Variants in STK38L observed in about 807,000 individuals in gnomAD.
The protein encoded by STK38L is serine/threonine kinase 38 like.
Under a neutral mutation model 59.7 loss-of-function variants are expected in STK38L, and 28 were observed. That is an observed-to-expected ratio of 0.47 (90% CI 0.35 to 0.64). STK38L has a LOEUF of 0.64. STK38L is among the 30% of genes least tolerant of loss of function. The pLI is 0.01. For synonymous variants in STK38L, 162 were observed against 176.8 expected (o/e 0.92, Z 0.66); for missense variants, 314 against 555.8 (o/e 0.56, Z 4.37).
intron 7 of STK38L, 149 bp from the exon 8 acceptor site, chr12:27,314,866 C>A: frequency 1.2e-6 from 1 of 847,706 alleles, no homozygotes; most frequent in South Asian, 2.1e-5. Flanking sequence ...TTTTAAAAAT[C>A]ATCATCAGAT....
intron 1 of STK38L, among the ~76,000 whole-genome samples, chr12:27,250,996 CAAAAAAAAAA>C (rs34643896): frequency 9.5e-6 from 1 of 105,000 alleles, no homozygotes; most frequent in Non-Finnish European, 2.0e-5. Flanking sequence ...GACTCTGTCT[CAAAAAAAAAA>C]AAAAAAAAAA....
intron 5 of STK38L, among the ~76,000 whole-genome samples, chr12:27,312,174 C>T (rs192546366): frequency 5.9e-4 from 90 of 152,334 alleles, no homozygotes; most frequent in South Asian, 2.9e-3. Context: ...CCACTGTGCC[C>T]GGCCCTGCTT....
chr12:27,245,155 A>G (rs2136595570), intron 1 of STK38L, among the ~76,000 whole-genome samples: 1 of 152,318 alleles, frequency 6.6e-6, no homozygotes, highest in East Asian at 1.9e-4. Context: ...GAGGAATGAT[A>G]TAAAAAGAAG....
rs186345053 is a variant in STK38L, at chr12:27,316,113, A to G, written c.837+763A>G. Among the ~76,000 whole-genome samples the G allele has an allele frequency of 7.9e-3, 1,202 of 152,364 alleles. 4 individuals carry two copies. Among genetic ancestry groups the G allele is most frequent in the Non-Finnish European group, 0.01 (701 of 68,028 alleles). ...AACTAATTCAGCATTCCCTCAGGAA[A>G]GTAAACAGACTGAAAAATAATAGGC... On this transcript the variant is annotated intron_variant, in intron 9 of 13. Coordinates refer to ENST00000389032, the MANE Select transcript of STK38L (RefSeq NM_015000.4).
intron 1 of STK38L, among the ~76,000 whole-genome samples, chr12:27,279,139 GA>G (rs1175981514): frequency 1.3e-5 from 2 of 152,258 alleles, no homozygotes; most frequent in Admixed American, 1.3e-4. Context: ...TCATAAAGTG[GA>G]AAAATTGTAA....
chr12:27,253,716 T>G (rs184005444), intron 1 of STK38L, among the ~76,000 whole-genome samples: 60 of 152,142 alleles, frequency 3.9e-4, no homozygotes, highest in African/African-American at 1.3e-3. Context: ...AGCTTAGACT[T>G]GAAGGGTGAG....
chr12:27,319,249 AAG>A (rs1359469171), intron 11 of STK38L, 77 bp from the exon 12 acceptor site: 5 of 850,000 alleles, frequency 5.9e-6, no homozygotes, highest in East Asian at 5.2e-5. Context: ...TTCTTTAAAA[AAG>A]AAATATTTGA....
At chr12:27,309,646 T>C (rs1391979967) in intron 5 of STK38L, among the ~76,000 whole-genome samples, 2 of 152,222 alleles carry the variant, frequency 1.3e-5, no homozygotes, top group Non-Finnish European at 2.9e-5. Flanking sequence ...TCCACCCTTA[T>C]GACCTCATTA....
chr12:27,273,221 G>A (rs1943461851), intron 1 of STK38L, among the ~76,000 whole-genome samples: 1 of 151,950 alleles, frequency 6.6e-6, no homozygotes, highest in South Asian at 2.1e-4. Context: ...TTATTTTATG[G>A]AGAAGAATGG....
rs1944727351 is a variant in STK38L at position 27,321,530 on chromosome 12, A to C, written c.1176-613A>C. 2.0e-5 allele frequency among the ~76,000 whole-genome samples: 3 copies of C among 152,210 alleles called. No homozygotes were observed. The South Asian group carries it at 6.2e-4, about 31-fold the overall frequency. On this transcript the variant is annotated intron_variant, in intron 12 of 13. Transcript: ENST00000389032. ...ATCAATTAAGAAGGATCCTGTCCTCATAATATCTCAAATACTTTATACAAT... is the reference window on the plus strand; with the variant it reads ...ATCAATTAAGAAGGATCCTGTCCTCCTAATATCTCAAATACTTTATACAAT...
intron 11 of STK38L, among the ~76,000 whole-genome samples, chr12:27,318,884 G>A (rs1298947445): frequency 6.6e-6 from 1 of 152,182 alleles, no homozygotes; most frequent in Non-Finnish European, 1.5e-5. Context: ...CCAGCTACTT[G>A]GGAGGCTGAG....
intron 1 of STK38L, among the ~76,000 whole-genome samples, chr12:27,250,530 T>C (rs1565520420): frequency 6.6e-6 from 1 of 152,208 alleles, no homozygotes; most frequent in Admixed American, 6.5e-5. Flanking sequence ...AGTAACCACT[T>C]ATCCCTTACT....
At position 27,314,644 on chromosome 12, in the gene STK38L, T is replaced by G. The variant is rs765875075; in HGVS notation, c.658T>G (p.Leu220Val). 6.2e-7 allele frequency: 1 copy of G among 1,602,122 alleles called. No homozygotes were observed. Among genetic ancestry groups the G allele is most frequent in the South Asian group, 1.1e-5 (1 of 88,726 alleles). The change falls in exon 7 of 14, where the codon TTA becomes GTA. Residue 220 changes from leucine to valine, a missense_variant. Coordinates refer to ENST00000389032, the MANE Select transcript of STK38L (RefSeq NM_015000.4). ...IHRDIKPDNL[L>V]LDAKGHVKLS... ...TCGGGATATTAAGCCAGACAACCTT[T>G]TATTGGATGCCAAGGCATGTGAATA...
rs377456722 is a variant in STK38L at position 27,308,319 on chromosome 12, A to G, written c.187-20A>G. 7.2e-6 allele frequency: 11 copies of G among 1,521,034 alleles called. No individual in the cohort carries two copies. The highest frequency in any genetic ancestry group is 9.7e-6 in the Non-Finnish European group (11 of 1,134,618). 94.2% of individuals were successfully genotyped at this position (1,521,034 alleles called of 1,614,324 possible). A position where few individuals can be genotyped will look rare whatever the true frequency, so the allele number is the denominator to read the frequency against. ...AACCTAATTATAAAATCATCCGTTTAAATTGTTTTTTTTTAATAGAAAAAG... is the reference window on the plus strand; with the variant it reads ...AACCTAATTATAAAATCATCCGTTTGAATTGTTTTTTTTTAATAGAAAAAG... On this transcript the variant is annotated intron_variant, in intron 3 of 13. Coordinates refer to ENST00000389032, the MANE Select transcript of STK38L (RefSeq NM_015000.4). This position sits in a 1 kb window ranked among gnomAD's most constrained non-coding sequence, Gnocchi z 4.5.
intron 2 of STK38L, 98 bp from the exon 3 acceptor site, chr12:27,302,039 C>G: frequency 7.2e-6 from 6 of 835,966 alleles, no homozygotes; most frequent in African/African-American, 1.8e-5. Context: ...TTTAGCCTAG[C>G]AAGCTGAAGT....
At chr12:27,314,883 A>C in intron 7 of STK38L, 132 bp from the exon 8 acceptor site, 1 of 884,700 alleles carries the variant, frequency 1.1e-6, no homozygotes, top group Non-Finnish European at 1.7e-6. Flanking sequence ...AGATACTTAA[A>C]ATTTTACATT....
chr12:27,303,496 T>G (rs1326638502), intron 3 of STK38L, among the ~76,000 whole-genome samples: 2 of 152,182 alleles, frequency 1.3e-5, no homozygotes, highest in Non-Finnish European at 2.9e-5. Context: ...GACTAGACAC[T>G]GTAACATCTT....
At chr12:27,278,079 G>T (rs565344151) in intron 1 of STK38L, among the ~76,000 whole-genome samples, 4 of 152,298 alleles carry the variant, frequency 2.6e-5, no homozygotes, top group African/African-American at 9.6e-5. Context: ...TTTCCCATTG[G>T]GTTAATCTAG....
chr12:27,290,228 A>G (rs1943867528), intron 1 of STK38L, among the ~76,000 whole-genome samples: 1 of 152,340 alleles, frequency 6.6e-6, no homozygotes, highest in Middle Eastern at 3.4e-3. Flanking sequence ...CTATTATTAT[A>G]TTTATTTAAC....
Sources: allele counts gnomAD v4.1 joint callset (sites outside exome capture counted in the v4.1 genomes callset), GRCh38; gene constraint gnomAD v4.1.1; non-coding constraint Gnocchi (gnomAD v3.1); transcripts MANE v1.5; gene names NCBI Gene and HGNC (gene_info 2026-07-23, HGNC 2026-07-21).